CMKLR2: variants seen among roughly 807,000 people sequenced by gnomAD.
CMKLR2 encodes chemerin-like receptor 2.
In CMKLR2, 18 loss-of-function variants were observed where a neutral mutation model predicts 23.0. The ratio of observed to expected loss-of-function variants is 0.78; its 90% CI spans 0.54 to 1.16. The LOEUF (loss-of-function observed/expected upper bound fraction) is 1.16, where lower values mean the gene tolerates loss of function less well. Among genes scored for constraint, CMKLR2 ranks in the 50% most tolerant of loss-of-function variants. The pLI, the probability that CMKLR2 is intolerant of heterozygous loss-of-function variation, is 0.00. For missense variants in CMKLR2, 401 were observed against 412.7 expected (o/e 0.97, Z 0.25); for synonymous variants, 158 against 158.9 (o/e 0.99, Z 0.05).
At chr2:206,207,731 T>TTC (rs1689386824) in intron 1 of CMKLR2, among the ~76,000 whole-genome samples, 1 of 54,002 alleles carries the variant, frequency 1.9e-5, no homozygotes, top group Non-Finnish European at 4.5e-5. Context: ...TCAGGGCCTT[T>TTC]TTTTTTTTTT....
intron 1 of CMKLR2, among the ~76,000 whole-genome samples, chr2:206,183,699 T>A (rs1688486752): frequency 6.6e-6 from 1 of 152,106 alleles, no homozygotes; most frequent in African/African-American, 2.4e-5. Flanking sequence ...ATGTTTTTGT[T>A]TGATGATGAT....
upstream of CMKLR2, among the ~76,000 whole-genome samples, chr2:206,215,492 C>T (rs956852888): frequency 1.3e-5 from 2 of 152,250 alleles, no homozygotes; most frequent in South Asian, 2.1e-4. Flanking sequence ...CAAGGATTGT[C>T]CTATGTGCCA....
intron 1 of CMKLR2, among the ~76,000 whole-genome samples, chr2:206,183,725 T>G (rs1357821583): frequency 6.6e-6 from 1 of 152,072 alleles, no homozygotes; most frequent in Non-Finnish European, 1.5e-5. Context: ...GGGGTAGGGA[T>G]AGAGTGGAGA....
At chr2:206,194,406 G>A (rs974369611) in intron 1 of CMKLR2, among the ~76,000 whole-genome samples, 2 of 151,492 alleles carry the variant, frequency 1.3e-5, no homozygotes, top group African/African-American at 4.9e-5. Context: ...AACAATGTGG[G>A]TGCCAGATTC....
chr2:206,177,839 C>T lies in CMKLR2; in HGVS notation c.-28-564G>A, dbSNP rs145988827. On this transcript the variant is annotated intron_variant, in intron 1 of 1. Coordinates refer to ENST00000621141, the MANE Select transcript of CMKLR2 (RefSeq NM_001389445.1). ...TGCTAAATTAAAATGAATGACTCTACGGTTATAATTCTTCAGTTCGTAATG... is the reference window on the plus strand; with the variant it reads ...TGCTAAATTAAAATGAATGACTCTATGGTTATAATTCTTCAGTTCGTAATG... Among the ~76,000 whole-genome samples, 55 of 152,230 alleles carry T rather than the reference C, an allele frequency of 3.6e-4. No homozygotes were observed. The East Asian group carries it at 7.7e-3, about 21-fold the overall frequency.
At chr2:206,201,484 C>A (rs1174212499) in intron 1 of CMKLR2, among the ~76,000 whole-genome samples, 4 of 152,062 alleles carry the variant, frequency 2.6e-5, no homozygotes, top group Non-Finnish European at 4.4e-5. Flanking sequence ...CAGCGGGGTC[C>A]CACACAACCA....
intron 1 of CMKLR2, among the ~76,000 whole-genome samples, chr2:206,184,456 A>C (rs13426885): frequency 0.38 from 57,579 of 151,646 alleles, 11,255 homozygotes; most frequent in African/African-American, 0.48. Flanking sequence ...GCCACCACAT[A>C]CGGCTAATTT....
At chr2:206,179,798 T>G (rs1688354523) in intron 1 of CMKLR2, among the ~76,000 whole-genome samples, 1 of 152,170 alleles carries the variant, frequency 6.6e-6, no homozygotes, top group Admixed American at 6.6e-5. Context: ...AAAAGATTAA[T>G]AGTTATATTC....
chr2:206,204,353 C>CAAAAAAAAA (rs373840930), intron 1 of CMKLR2, among the ~76,000 whole-genome samples: 1 of 44,212 alleles, frequency 2.3e-5, no homozygotes, highest in African/African-American at 8.7e-5. Flanking sequence ...GACTCCATCT[C>CAAAAAAAAA]AAAAAAAAAA....
chr2:206,217,417 A>G (rs546693395), upstream of CMKLR2: 2 of 152,344 alleles, frequency 1.3e-5, no homozygotes, highest in African/African-American at 2.4e-5. Context: ...CAACCCAGCC[A>G]TACAGGGACG....
At chr2:206,217,827 G>A (rs1056498507), upstream of CMKLR2, 1 of 152,302 alleles carries the variant, frequency 6.6e-6, no homozygotes, top group Admixed American at 6.5e-5. Context: ...AGTTGCCGGT[G>A]CCTGTGGCTG....
chr2:206,189,041 CT>C (rs1337056661), intron 1 of CMKLR2, among the ~76,000 whole-genome samples: 1 of 152,194 alleles, frequency 6.6e-6, no homozygotes, highest in Non-Finnish European at 1.5e-5. Context: ...AAGATTCCTT[CT>C]GGCAGAACAT....
intron 1 of CMKLR2, among the ~76,000 whole-genome samples, chr2:206,186,671 C>A (rs183455352): frequency 2.0e-3 from 311 of 152,092 alleles, no homozygotes; most frequent in African/African-American, 7.1e-3. Context: ...CTTACCCCAG[C>A]AATGGTTAGG....
intron 1 of CMKLR2, among the ~76,000 whole-genome samples, chr2:206,205,722 G>A (rs769153413): frequency 6.6e-6 from 1 of 151,558 alleles, no homozygotes; most frequent in Non-Finnish European, 1.5e-5. Context: ...TTTTTGAGAT[G>A]GAGTTTCGCT....
At position 206,177,009 on chromosome 2, in the gene CMKLR2, G is replaced by T. The variant is rs138835154; in HGVS notation, c.239C>A (p.Ala80Asp). ...GAGAAGAAAAATGAAATCCGCAATG[G>T]CTAGATTGAGGAACCACAGAGTGGT... ...TVTTLWFLNL[A>D]IADFIFLLFL... The change falls in exon 2 of 2, where the codon GCC becomes GAC. Residue 80 changes from alanine (A) to aspartate (D), a missense_variant. Ala to Asp is a moderately radical substitution (Grantham distance 126). Transcript: ENST00000621141. 9 of 1,613,966 alleles carry T rather than the reference G, an allele frequency of 5.6e-6. No individual in the cohort carries two copies. The African/African-American group carries it at 1.1e-4, about 19-fold the overall frequency.
chr2:206,188,316 T>C (rs1051668074), intron 1 of CMKLR2, among the ~76,000 whole-genome samples: 1 of 152,216 alleles, frequency 6.6e-6, no homozygotes, highest in Non-Finnish European at 1.5e-5. Context: ...GCAGTGACTT[T>C]CCATTGAGAT....
intron 1 of CMKLR2, among the ~76,000 whole-genome samples, chr2:206,184,327 G>A (rs1458652510): frequency 2.9e-5 from 4 of 137,474 alleles, no homozygotes; most frequent in East Asian, 4.1e-4. Flanking sequence ...GACAGGTTTC[G>A]CTCTTGTTGC....
At chr2:206,178,120 G>C (rs1576031784) in intron 1 of CMKLR2, among the ~76,000 whole-genome samples, 1 of 152,066 alleles carries the variant, frequency 6.6e-6, no homozygotes, top group Admixed American at 6.6e-5. Context: ...TTTTAAAATA[G>C]CCAGATCTAG....
chr2:206,179,168 G>C (rs1274048804), intron 1 of CMKLR2, among the ~76,000 whole-genome samples: 1 of 131,860 alleles, frequency 7.6e-6, no homozygotes, highest in African/African-American at 2.8e-5. Flanking sequence ...CTCACCTCCC[G>C]GGTTCAAGCA....
Sources: gnomAD v4.1 joint callset for allele counts (sites outside exome capture counted in the v4.1 genomes callset) on GRCh38, gnomAD v4.1.1 for gene constraint, MANE v1.5 for transcripts, NCBI Gene and HGNC (gene_info 2026-07-23, HGNC 2026-07-21) for gene names.